Variants in FAM174B observed in about 807,000 individuals in gnomAD.
The protein encoded by FAM174B is membrane protein FAM174B.
FAM174B carries 12 observed loss-of-function variants against 10.9 expected under a neutral mutation model. The observed-to-expected ratio is 1.10, with a 90% CI of 0.71 to 1.79. FAM174B has a LOEUF of 1.79. Ranked by LOEUF, FAM174B falls within the 40% of genes most tolerant of loss-of-function variation. The pLI, the probability that FAM174B is intolerant of heterozygous loss-of-function variation, is 0.00. For synonymous variants in FAM174B, 132 were observed against 115.8 expected, an observed-to-expected ratio of 1.14 and a Z score of -0.90; for missense variants, 266 against 233.3, an observed-to-expected ratio of 1.14 and a Z score of -0.91.
chr15:92,647,315 C>T (rs532319808), intron 1 of FAM174B, among the ~76,000 whole-genome samples: 2 of 152,288 alleles, frequency 1.3e-5, no homozygotes, highest in African/African-American at 4.8e-5. Flanking sequence ...CTTCCCAGAC[C>T]ATTCTGGTCC....
Position 92,631,295 on chromosome 15 carries a change from T to A in FAM174B, c.345-950A>T, listed in dbSNP as rs1389395158. On this transcript the variant is annotated intron_variant, in intron 1 of 2. Transcript: ENST00000327355. ...ATATTATATATAATATATTATATAT[T>A]ATATATAATATATTATATATAATAT... 4.6e-3 allele frequency among the ~76,000 whole-genome samples: 20 copies of A among 4,352 alleles called. 2 individuals carry two copies. Among genetic ancestry groups the A allele is most frequent in the African/African-American group, 0.016 (20 of 1,242 alleles). The allele number at this position is 4,352 out of a possible 152,430, so 2.9% of individuals were successfully genotyped here.
At chr15:92,654,762 C>A (rs1487160689) in intron 1 of FAM174B, among the ~76,000 whole-genome samples, 1 of 148,080 alleles carries the variant, frequency 6.8e-6, no homozygotes, top group Non-Finnish European at 1.5e-5. Flanking sequence ...CTACCCCCCA[C>A]ACTAGAAACT....
Position 92,655,697 on chromosome 15 carries a change from G to A in FAM174B, c.-38C>T, listed in dbSNP as rs759960234. 10 of 1,233,700 alleles carry A rather than the reference G, an allele frequency of 8.1e-6. No homozygotes were observed. The highest frequency in any genetic ancestry group is 3.3e-4 in the Middle Eastern group (1 of 3,076). The allele number at this position is 1,233,700 out of a possible 1,614,324, so 76.4% of individuals were successfully genotyped here. On this transcript the variant is annotated 5_prime_UTR_variant, in exon 1 of 3. Coordinates refer to ENST00000327355, the MANE Select transcript of FAM174B (RefSeq NM_207446.3). The stretch of plus-strand genomic sequence containing the variant: ...CGGCACAGGATCGGGCAGGGCGCGC[G>A]CGGCTGAGCTCCAGGATCCGCACCA...
chr15:92,644,691 A>C (rs1301482327), intron 1 of FAM174B, among the ~76,000 whole-genome samples: 1 of 152,172 alleles, frequency 6.6e-6, no homozygotes, highest in Admixed American at 6.5e-5. Flanking sequence ...TTGTAGACAA[A>C]AGAAACCAGA....
chr15:92,643,562 C>G, intron 1 of FAM174B, among the ~76,000 whole-genome samples: 1 of 152,068 alleles, frequency 6.6e-6, no homozygotes, highest in Non-Finnish European at 1.5e-5. Flanking sequence ...TAATTTAAAA[C>G]CAAGTATATA....
At chr15:92,630,812 TTATATATTACATATTATATATTA>T (rs1567044664) in intron 1 of FAM174B, among the ~76,000 whole-genome samples, 7 of 27,020 alleles carry the variant, frequency 2.6e-4, no homozygotes, top group Non-Finnish European at 7.8e-4. Context: ...TATATATATT[TTATATATTACATATTATATATTA>T]TATATATTAC....
chr15:92,629,142 G>A (rs1241398291), intron 2 of FAM174B, among the ~76,000 whole-genome samples: 2 of 152,184 alleles, frequency 1.3e-5, no homozygotes, highest in Non-Finnish European at 1.5e-5. Flanking sequence ...CAGACATGCA[G>A]AAGCCATGGG....
intron 1 of FAM174B, among the ~76,000 whole-genome samples, chr15:92,632,470 T>C (rs1027183817): frequency 1.3e-5 from 2 of 152,128 alleles, no homozygotes; most frequent in African/African-American, 2.4e-5. Flanking sequence ...TGAGCTGAGA[T>C]TGCGCCACTG....
chr15:92,626,487 C>CA (rs2050754035), intron 2 of FAM174B, among the ~76,000 whole-genome samples: 1 of 152,116 alleles, frequency 6.6e-6, no homozygotes, highest in Non-Finnish European at 1.5e-5. Flanking sequence ...TAAGAGACAT[C>CA]AAAGTCATGA....
intron 1 of FAM174B, among the ~76,000 whole-genome samples, chr15:92,652,914 C>T (rs558381180): frequency 1.3e-5 from 2 of 152,254 alleles, no homozygotes; most frequent in South Asian, 2.1e-4. Context: ...CAGTACAGAC[C>T]GAATAGCACA....
At chr15:92,637,931 G>A (rs960400071) in intron 1 of FAM174B, among the ~76,000 whole-genome samples, 3 of 152,206 alleles carry the variant, frequency 2.0e-5, no homozygotes, top group Non-Finnish European at 4.4e-5. Flanking sequence ...TCAGACTTGG[G>A]TTCGCAGCCC....
At position 92,618,304 on chromosome 15, in the gene FAM174B, C is replaced by T. The variant is rs779709231; in HGVS notation, c.*1152G>A. ...ACACCGCTAGTCAGGAGGCCTCAAT[C>T]AACCTGAGAAGTCAGCCCAAGGCCC... On this transcript the variant is annotated 3_prime_UTR_variant, in exon 3 of 3. Coordinates refer to ENST00000327355, the MANE Select transcript of FAM174B (RefSeq NM_207446.3). 2.0e-5 allele frequency: 3 copies of T among 152,810 alleles called. No homozygotes were observed. The highest frequency in any genetic ancestry group is 4.4e-5 in the Non-Finnish European group (3 of 68,242). 9.5% of individuals were successfully genotyped at this position (152,810 alleles called of 1,614,324 possible).
Position 92,655,775 on chromosome 15 carries a change from T to G in FAM174B, c.-116A>C. 1.0e-6 allele frequency: 1 copy of G among 965,616 alleles called. No individual in the cohort carries two copies. Among genetic ancestry groups the G allele is most frequent in the Non-Finnish European group, 1.3e-6 (1 of 764,356 alleles). The allele number at this position is 965,616 out of a possible 1,614,324, so 59.8% of individuals were successfully genotyped here. ...GCGGCGGAGGCGGCTGCGCGGTGCT[T>G]GGCAGGAAGCTGCGGCGCCCGGAAG... On this transcript the variant is annotated 5_prime_UTR_variant, in exon 1 of 3. Coordinates refer to ENST00000327355, the MANE Select transcript of FAM174B (RefSeq NM_207446.3).
chr15:92,647,332 C>T (rs2050934982), intron 1 of FAM174B, among the ~76,000 whole-genome samples: 1 of 152,148 alleles, frequency 6.6e-6, no homozygotes, highest in Admixed American at 6.5e-5. Context: ...GTCCCTGACC[C>T]ATCCTTTCTC....
At chr15:92,626,488 A>G in intron 2 of FAM174B, among the ~76,000 whole-genome samples, 1 of 152,226 alleles carries the variant, frequency 6.6e-6, no homozygotes, top group East Asian at 1.9e-4. Flanking sequence ...AAGAGACATC[A>G]AAGTCATGAA....
chr15:92,651,161 T>C (rs1280816082), intron 1 of FAM174B, among the ~76,000 whole-genome samples: 2 of 152,192 alleles, frequency 1.3e-5, no homozygotes, highest in Non-Finnish European at 2.9e-5. Flanking sequence ...AAGATAATAC[T>C]AAGTGTTGGA....
chr15:92,646,372 C>T (rs753224883), intron 1 of FAM174B, among the ~76,000 whole-genome samples: 28 of 152,180 alleles, frequency 1.8e-4, no homozygotes, highest in Non-Finnish European at 3.1e-4. Flanking sequence ...CCTCCCCTTC[C>T]CCAGCTGCTC....
intron 1 of FAM174B, among the ~76,000 whole-genome samples, chr15:92,651,474 GCA>G (rs1228579957): frequency 6.6e-6 from 1 of 152,188 alleles, no homozygotes; most frequent in Non-Finnish European, 1.5e-5. Flanking sequence ...TCACCCACAT[GCA>G]CAGACACACA....
chr15:92,623,640 A>G (rs888444859), intron 2 of FAM174B, among the ~76,000 whole-genome samples: 5 of 152,242 alleles, frequency 3.3e-5, no homozygotes, highest in African/African-American at 4.8e-5. Flanking sequence ...AGCACCTGTC[A>G]GTAGCGTCTG....
Sources: allele counts gnomAD v4.1 joint callset (sites outside exome capture counted in the v4.1 genomes callset), GRCh38; gene constraint gnomAD v4.1.1; transcripts MANE v1.5; gene names NCBI Gene and HGNC (gene_info 2026-07-23, HGNC 2026-07-21).